C4orf50: variants seen among roughly 807,000 people sequenced by gnomAD.
The protein encoded by C4orf50 is chromosome 4 open reading frame 50, also known as uncharacterized protein C4orf50.
A neutral mutation model predicts 77.2 loss-of-function variants in C4orf50; 80 were observed. The ratio of observed to expected loss-of-function variants is 1.04; its 90% CI spans 0.87 to 1.25. The LOEUF (loss-of-function observed/expected upper bound fraction) is 1.25, where lower values mean the gene tolerates loss of function less well. C4orf50 is among the 50% of genes most tolerant of loss of function. C4orf50 has a pLI of 0.00. For missense variants in C4orf50, 1,257 were observed against 1,152.9 expected (o/e 1.09, Z -1.31); for synonymous variants, 532 against 465.3 (o/e 1.14, Z -1.84).
At chr4:5,925,935 C>T (rs1209283875) in intron 7 of C4orf50, among the ~76,000 whole-genome samples, 4 of 152,184 alleles carry the variant, frequency 2.6e-5, no homozygotes, top group Admixed American at 2.6e-4. Context: ...GCAGAGAAAC[C>T]TGAGGCCTCA....
intron 7 of C4orf50, chr4:5,904,789 G>A (rs1426887442): frequency 1.2e-4 from 18 of 152,176 alleles, no homozygotes; most frequent in Admixed American, 1.2e-3. Context: ...CCTAGCCCAA[G>A]CTTCTTCAGC....
At chr4:5,921,893 C>T (rs917788354) in intron 7 of C4orf50, among the ~76,000 whole-genome samples, 1 of 152,112 alleles carries the variant, frequency 6.6e-6, no homozygotes, top group Non-Finnish European at 1.5e-5. Flanking sequence ...CAGAGGCTGC[C>T]TGTGAAGGCA....
Position 6,008,081 on chromosome 4 carries a change from T to C in C4orf50, c.878A>G (p.Gln293Arg). ...CTGGGCGAGGTCCTCCACCTGGCCC[T>C]GCAGGCCAATCTCTGACAGCTTCAG... Residue 293 changes from glutamine to arginine, a missense_variant, in exon 25 of 34, where the codon CAG becomes CGG. Transcript: ENST00000531445. This position sits in a 1 kb window ranked among gnomAD's most constrained non-coding sequence, Gnocchi z 6.0. 2.5e-6 allele frequency: 1 copy of C among 399,226 alleles called. No homozygotes were observed. The highest frequency in any genetic ancestry group is 4.4e-6 in the Non-Finnish European group (1 of 226,222). 24.7% of individuals were successfully genotyped at this position (399,226 alleles called of 1,614,324 possible). A position where few individuals can be genotyped will look rare whatever the true frequency, so the allele number is the denominator to read the frequency against.
At chr4:5,906,735 A>G (rs976317786) in intron 7 of C4orf50, among the ~76,000 whole-genome samples, 5 of 152,200 alleles carry the variant, frequency 3.3e-5, no homozygotes, top group African/African-American at 1.2e-4. Context: ...GAGGAAGCCA[A>G]CCTACTCAGG....
chr4:5,964,009 CAACT>C (rs1719412038), intron 33 of C4orf50, among the ~76,000 whole-genome samples: 1 of 131,162 alleles, frequency 7.6e-6, no homozygotes, highest in Non-Finnish European at 1.6e-5. Context: ...GCAGTATGTG[CAACT>C]AGAAAAGCTA....
intron 7 of C4orf50, among the ~76,000 whole-genome samples, chr4:5,936,562 CAAA>C (rs374200584): frequency 2.7e-5 from 2 of 75,426 alleles, no homozygotes; most frequent in African/African-American, 5.3e-5. Flanking sequence ...GACGCCATCT[CAAA>C]AAAAAAAAAA....
intron 7 of C4orf50, among the ~76,000 whole-genome samples, chr4:5,918,988 C>T (rs1428318661): frequency 6.6e-6 from 1 of 152,162 alleles, no homozygotes; most frequent in African/African-American, 2.4e-5. Context: ...TTCCTCTGCA[C>T]AGATGGGGAA....
chr4:5,972,171 A>G (rs528941146), intron 31 of C4orf50, among the ~76,000 whole-genome samples: 1 of 151,898 alleles, frequency 6.6e-6, no homozygotes, highest in Non-Finnish European at 1.5e-5. Flanking sequence ...CGCCTAGCTA[A>G]TTTTTGTATT....
chr4:5,934,272 C>T (rs530604005), intron 7 of C4orf50, among the ~76,000 whole-genome samples: 6 of 152,180 alleles, frequency 3.9e-5, no homozygotes, highest in Non-Finnish European at 8.8e-5. Flanking sequence ...ACCACCCACA[C>T]ACATTGGTCC....
At chr4:5,975,869 C>A in intron 30 of C4orf50, 30 bp downstream of exon 8, 2 of 1,503,018 alleles carry the variant, frequency 1.3e-6, no homozygotes, top group Non-Finnish European at 1.9e-6. Flanking sequence ...TTGAAAGAGG[C>A]ATTTCATGTT....
In C4orf50 at chr4:5,945,323, C is replaced by T. The variant is rs1304285497; in HGVS notation, c.*2474+11578G>A. Among the ~76,000 whole-genome samples the T allele has an allele frequency of 2.0e-5, 3 of 152,348 alleles. No individual in the cohort carries two copies. The East Asian group carries it at 5.8e-4, about 29-fold the overall frequency. The stretch of plus-strand genomic sequence containing the variant: ...CGATTCAGCTTGGTACCCACATTCC[C>T]GGGGGACCCCACAGCTGCTAGAACC... On this transcript the variant is annotated intron_variant, in intron 7 of 7. Coordinates refer to the C4orf50 transcript ENST00000324058.
rs1177431128 is a variant in C4orf50, at chr4:5,906,948, G to A, written c.*2475-8760C>T. On this transcript the variant is annotated intron_variant, in intron 7 of 7. Coordinates refer to the C4orf50 transcript ENST00000324058. Reference sequence around the variant, plus strand: ...ACTTGGAGAACTTTACAAGAATTCTGATTCTTAGGCTCAATCTCAGATTTA... The same window carrying A: ...ACTTGGAGAACTTTACAAGAATTCTAATTCTTAGGCTCAATCTCAGATTTA... 4.6e-5 allele frequency among the ~76,000 whole-genome samples: 7 copies of A among 152,330 alleles called. No individual in the cohort carries two copies. The East Asian group carries it at 1.2e-3, about 25-fold the overall frequency.
chr4:5,921,351 G>A (rs1235156949), intron 7 of C4orf50, among the ~76,000 whole-genome samples: 1 of 152,248 alleles, frequency 6.6e-6, no homozygotes, highest in Non-Finnish European at 1.5e-5. Context: ...TCAGGCGGTG[G>A]GCTGGGGGAG....
At chr4:5,952,280 T>G (rs1718759807), downstream of C4orf50, among the ~76,000 whole-genome samples, 1 of 152,160 alleles carries the variant, frequency 6.6e-6, no homozygotes, top group African/African-American at 2.4e-5. This position sits in a 1 kb window ranked among gnomAD's most constrained non-coding sequence, Gnocchi z 4.4. Context: ...GATAGATCAA[T>G]AGATAAGAAG....
chr4:5,989,756 C>T (rs1721145933), exon 28 of C4orf50: 1 of 1,531,796 alleles, frequency 6.5e-7, no homozygotes, highest in African/African-American at 1.4e-5. Flanking sequence ...CCTGTCTCTC[C>T]TGCAAAGAAA....
Position 5,980,580 on chromosome 4 carries a change from A to C in C4orf50, c.3700-242T>G, listed in dbSNP as rs77395114. Among the ~76,000 whole-genome samples, 1,269 of 152,214 alleles carry C rather than the reference A, an allele frequency of 8.3e-3. 22 individuals carry two copies. Among genetic ancestry groups the C allele is most frequent in the African/African-American group, 0.029 (1,194 of 41,508 alleles). On this transcript the variant is annotated intron_variant, in intron 28 of 33. Coordinates refer to ENST00000531445, the Ensembl canonical transcript of C4orf50. ...TCTGCAGATTTCCTGCTAAGTCCCT[A>C]GACACGTGCATGTATAGGAGTGGGT...
chr4:5,969,081 C>G (rs1427851970), intron 31 of C4orf50, among the ~76,000 whole-genome samples: 2 of 152,054 alleles, frequency 1.3e-5, no homozygotes, highest in Non-Finnish European at 2.9e-5. Context: ...AAATACGGTA[C>G]CAATATGTTC....
At chr4:5,959,606 G>T in exon 34 of C4orf50, 1 of 1,613,412 alleles carries the variant, frequency 6.2e-7, no homozygotes. Context: ...GATCAAGCGT[G>T]GACACCAAGG....
intron 32 of C4orf50, among the ~76,000 whole-genome samples, chr4:5,966,078 C>T (rs539868372): frequency 6.6e-6 from 1 of 152,318 alleles, no homozygotes; most frequent in Non-Finnish European, 1.5e-5. Flanking sequence ...AAACAAGGCC[C>T]AATCAAATAC....
Sources: allele counts gnomAD v4.1 joint callset (sites outside exome capture counted in the v4.1 genomes callset), GRCh38; gene constraint gnomAD v4.1.1; non-coding constraint Gnocchi (gnomAD v3.1); transcripts MANE v1.5; gene names NCBI Gene and HGNC (gene_info 2026-07-23, HGNC 2026-07-21).